Variants in UNC13C observed in about 807,000 individuals in gnomAD.
The protein encoded by UNC13C is unc-13 homolog C, also known as protein unc-13 homolog C.
A neutral mutation model predicts 245.4 loss-of-function variants in UNC13C; 174 were observed. The ratio of observed to expected loss-of-function variants is 0.71; its 90% CI spans 0.63 to 0.80. The LOEUF is 0.80. Ranked by LOEUF, UNC13C falls within the 30% of genes least tolerant of loss-of-function variation. The probability of loss-of-function intolerance (pLI) is 0.00; values close to 1 mark genes in which losing one functional copy is unlikely to be tolerated. For synonymous variants in UNC13C, 992 were observed against 895.1 expected (o/e 1.11, Z -1.93); for missense variants, 2,829 against 2,602.9 (o/e 1.09, Z -1.89).
chr15:53,839,216 C>A, the UNC13C span, among the ~76,000 whole-genome samples: 6 of 151,922 alleles, frequency 3.9e-5, no homozygotes, highest in African/African-American at 1.4e-4. Context: ...CTGTTCTTCC[C>A]ATCCCCCAAT....
At chr15:54,073,928 G>C (rs990084645) in intron 2 of UNC13C, among the ~76,000 whole-genome samples, 1 of 151,980 alleles carries the variant, frequency 6.6e-6, no homozygotes, top group African/African-American at 2.4e-5. Flanking sequence ...GTTGTTTTTG[G>C]TGTTTTAGTC....
the UNC13C span, among the ~76,000 whole-genome samples, chr15:53,896,539 C>T: frequency 2.0e-5 from 3 of 151,972 alleles, no homozygotes; most frequent in African/African-American, 7.3e-5. Flanking sequence ...CATAATAATA[C>T]ATGGGATGGT....
At chr15:54,225,759 G>A (rs545081382) in intron 4 of UNC13C, among the ~76,000 whole-genome samples, 2 of 152,242 alleles carry the variant, frequency 1.3e-5, no homozygotes, top group South Asian at 2.1e-4. Flanking sequence ...GCCAACAAAG[G>A]CAGTTTGACT....
chr15:54,327,838 C>A (rs1397999), intron 14 of UNC13C, among the ~76,000 whole-genome samples: 46,434 of 151,856 alleles, frequency 0.31, 7,322 homozygotes, highest in Non-Finnish European at 0.33. Context: ...GGTAGGAGTG[C>A]TCTCTCCTTG....
intron 19 of UNC13C, among the ~76,000 whole-genome samples, chr15:54,470,352 C>T (rs1892394771): frequency 6.6e-6 from 1 of 151,466 alleles, no homozygotes; most frequent in African/African-American, 2.4e-5. Context: ...TGGTAAAATT[C>T]AGTTGTGATG....
At position 54,447,556 on chromosome 15, in the gene UNC13C, G is replaced by A. The variant is rs187291595; in HGVS notation, c.4933+32489G>A. On this transcript the variant is annotated intron_variant, in intron 19 of 32. Transcript: ENST00000260323. Reference sequence around the variant, plus strand: ...TTCTTCTAGATTTTCTAGTTTATTTGCATAGAGGTGTTTATATTATTCTCT... The same window carrying A: ...TTCTTCTAGATTTTCTAGTTTATTTACATAGAGGTGTTTATATTATTCTCT... 5.3e-5 allele frequency among the ~76,000 whole-genome samples: 8 copies of A among 152,298 alleles called. No homozygotes were observed. In the East Asian group the frequency reaches 1.5e-3, roughly 29 times the overall value.
the UNC13C span, among the ~76,000 whole-genome samples, chr15:53,902,161 G>C: frequency 6.6e-6 from 1 of 151,922 alleles, no homozygotes; most frequent in East Asian, 1.9e-4. Context: ...ACTTAAATTT[G>C]TTTCATGAAA....
rs1340304990 is a variant in UNC13C at position 54,555,450 on chromosome 15, G to T, written c.5896G>T (p.Asp1966Tyr). 1.9e-6 allele frequency: 3 copies of T among 1,612,228 alleles called. No homozygotes were observed. Among genetic ancestry groups the T allele is most frequent in the Non-Finnish European group, 2.5e-6 (3 of 1,179,012 alleles). The change falls in exon 29 of 33, where the codon GAT becomes TAT. Residue 1966 changes from aspartate (D) to tyrosine (Y), a missense_variant. Coordinates refer to ENST00000260323, the MANE Select transcript of UNC13C (RefSeq NM_001080534.3). ...SKLKEHMIRE[D>Y]ARGLTPRQCA... ...TTTCCAGGAGCACATGATTCGAGAG[G>T]ATGCCAGGGGTCTGACGCCAAGACA...
intron 22 of UNC13C, among the ~76,000 whole-genome samples, chr15:54,505,661 T>C (rs1306501856): frequency 6.6e-6 from 1 of 152,114 alleles, no homozygotes; most frequent in African/African-American, 2.4e-5. Flanking sequence ...CTCATTCAAG[T>C]GTACATTGTA....
intron 13 of UNC13C, among the ~76,000 whole-genome samples, chr15:54,302,429 A>C (rs11639317): frequency 0.15 from 23,571 of 152,130 alleles, 1,956 homozygotes; most frequent in Admixed American, 0.21. Flanking sequence ...TTTAGGTTTT[A>C]CATTTAAGTC....
chr15:54,153,997 G>T (rs1322596249), intron 4 of UNC13C, among the ~76,000 whole-genome samples: 2 of 151,880 alleles, frequency 1.3e-5, no homozygotes, highest in Non-Finnish European at 2.9e-5. Context: ...TTAAACCAGG[G>T]TAATTGAAAT....
chr15:54,128,004 AT>A (rs2031171026), intron 2 of UNC13C, among the ~76,000 whole-genome samples: 1 of 151,954 alleles, frequency 6.6e-6, no homozygotes, highest in Non-Finnish European at 1.5e-5. Flanking sequence ...ATACGATTCT[AT>A]ACCTAGGATA....
intron 2 of UNC13C, among the ~76,000 whole-genome samples, chr15:54,023,615 G>A (rs1020873185): frequency 6.6e-6 from 1 of 152,128 alleles, no homozygotes. Flanking sequence ...AATTCAAAAG[G>A]ATATACAAAG....
chr15:53,944,614 T>C, the UNC13C span, among the ~76,000 whole-genome samples: 1 of 152,234 alleles, frequency 6.6e-6, no homozygotes, highest in Non-Finnish European at 1.5e-5. Flanking sequence ...TGCTGTATAG[T>C]ATATATGTAC....
At chr15:54,411,933 A>G (rs924866035) in intron 18 of UNC13C, among the ~76,000 whole-genome samples, 3 of 152,178 alleles carry the variant, frequency 2.0e-5, no homozygotes, top group Non-Finnish European at 4.4e-5. Context: ...TAAATACAAT[A>G]TATTGATTTA....
chr15:53,945,085 C>T, the UNC13C span, among the ~76,000 whole-genome samples: 1 of 151,896 alleles, frequency 6.6e-6, no homozygotes, highest in Non-Finnish European at 1.5e-5. Context: ...TGTTCATGTC[C>T]TTTGCCCATG....
intron 23 of UNC13C, among the ~76,000 whole-genome samples, 174 bp from the exon 24 acceptor site, chr15:54,511,579 T>C (rs991141839): frequency 2.6e-5 from 4 of 152,172 alleles, no homozygotes; most frequent in Non-Finnish European, 5.9e-5. Flanking sequence ...ATTATGTTTC[T>C]CTGTTTCCAT....
chr15:53,865,109 T>A, the UNC13C span, among the ~76,000 whole-genome samples: 35 of 152,206 alleles, frequency 2.3e-4, no homozygotes, highest in Non-Finnish European at 4.4e-4. Context: ...TGATTGAATT[T>A]GTACTATTTT....
chr15:54,184,918 C>A lies in UNC13C; in HGVS notation c.3071+41234C>A, dbSNP rs1220574598. ...AAGTGTTCCTATTTCTCCACATCCT[C>A]TCCAGCACCTGTTGTTTCCTGACTT... On this transcript the variant is annotated intron_variant, in intron 4 of 32. Coordinates refer to ENST00000260323, the MANE Select transcript of UNC13C (RefSeq NM_001080534.3). 1.4e-4 allele frequency among the ~76,000 whole-genome samples: 22 copies of A among 152,226 alleles called. 1 individual carries two copies. In the East Asian group the frequency reaches 3.5e-3, roughly 24 times the overall value.
Sources: allele counts gnomAD v4.1 joint callset (sites outside exome capture counted in the v4.1 genomes callset), GRCh38; gene constraint gnomAD v4.1.1; transcripts MANE v1.5; gene names NCBI Gene and HGNC (gene_info 2026-07-23, HGNC 2026-07-21).